Variants in ZNF250 observed in about 807,000 individuals in gnomAD.
ZNF250 encodes zinc finger protein (clone 647).
Under a neutral mutation model 37.1 loss-of-function variants are expected in ZNF250, and 13 were observed. The observed-to-expected ratio is 0.35, with a 90% CI of 0.23 to 0.56. The LOEUF is 0.56. Ranked by LOEUF, ZNF250 falls within the 20% of genes least tolerant of loss-of-function variation. The pLI is 0.87. For missense variants in ZNF250, 474 were observed against 697.9 expected, an observed-to-expected ratio of 0.68 and a Z score of 3.61; for synonymous variants, 251 against 265.6, an observed-to-expected ratio of 0.94 and a Z score of 0.54.
Position 144,881,712 on chromosome 8 carries a change from C to A in ZNF250, c.1471G>T (p.Val491Leu). 6 of 1,613,516 alleles carry A rather than the reference C, an allele frequency of 3.7e-6. No homozygotes were observed. Among genetic ancestry groups the A allele is most frequent in the Non-Finnish European group, 5.1e-6 (6 of 1,179,820 alleles). Residue 491 changes from valine to leucine, a missense_variant, in exon 6 of 6, where the codon GTG becomes TTG. Transcript: ENST00000417550. ...KAFSLKATLI[V>L]HLRTHTGEKP... is the part of the protein sequence containing the mutation. ...TCGCCCGTGTGGGTCCTCAGGTGCA[C>A]AATCAGAGTTGCTTTCAGGCTGAAG... is the stretch of plus-strand genomic sequence containing the variant.
intron 4 of ZNF250, among the ~76,000 whole-genome samples, chr8:144,889,016 C>A (rs1476423519): frequency 6.6e-6 from 1 of 152,210 alleles, no homozygotes; most frequent in African/African-American, 2.4e-5. Flanking sequence ...GATCCACCCG[C>A]CTCAGTCTCC....
Position 144,882,673 on chromosome 8 carries a change from A to G in ZNF250, c.510T>C (p.Arg170=), listed in dbSNP as rs1280471010. Residue 170 remains arginine, a synonymous_variant, in exon 6 of 6, where the codon CGT becomes CGC. Coordinates refer to ENST00000417550, the MANE Select transcript of ZNF250 (RefSeq NM_001109689.4). This position sits in a 1 kb window ranked among gnomAD's most constrained non-coding sequence, Gnocchi z 5.5. ...FCLSPNSVDH[R]EVQVLSQSMP... is the part of the protein sequence containing the mutation. ...TGCTTTGGCTTAAGACCTGAACTTC[A>G]CGGTGGTCAACAGAGTTTGGACTCA... 6.2e-7 allele frequency: 1 copy of G among 1,613,900 alleles called. No individual in the cohort carries two copies. The highest frequency in any genetic ancestry group is 1.3e-5 in the African/African-American group (1 of 75,014).
intron 1 of ZNF250, among the ~76,000 whole-genome samples, chr8:144,896,318 C>A (rs1832718310): frequency 6.6e-6 from 1 of 151,660 alleles, no homozygotes; most frequent in East Asian, 1.9e-4. Flanking sequence ...CTACACTCCA[C>A]CCTGGGCAAC....
chr8:144,883,306 G>T (rs532330836), intron 5 of ZNF250, among the ~76,000 whole-genome samples: 1 of 152,128 alleles, frequency 6.6e-6, no homozygotes. Flanking sequence ...TGAGGTAGGG[G>T]TGGTGGTGCT....
At chr8:144,895,494 A>G (rs1832654872) in intron 1 of ZNF250, among the ~76,000 whole-genome samples, 1 of 152,170 alleles carries the variant, frequency 6.6e-6, no homozygotes, top group Non-Finnish European at 1.5e-5. Context: ...AGCGCTAAGA[A>G]CAGGCTTGGC....
intron 1 of ZNF250, among the ~76,000 whole-genome samples, chr8:144,892,602 T>C (rs1251215824): frequency 6.6e-6 from 1 of 152,102 alleles, no homozygotes; most frequent in African/African-American, 2.4e-5. Flanking sequence ...TTGCCCAGGC[T>C]GGAATGCAAC....
At chr8:144,889,291 A>T (rs1832137650) in intron 4 of ZNF250, among the ~76,000 whole-genome samples, 2 of 152,228 alleles carry the variant, frequency 1.3e-5, no homozygotes, top group Non-Finnish European at 2.9e-5. Flanking sequence ...AAATCTGGCT[A>T]ACCAGTCCCT....
At chr8:144,894,831 A>ATT (rs11438949) in intron 1 of ZNF250, among the ~76,000 whole-genome samples, 114 of 147,556 alleles carry the variant, frequency 7.7e-4, no homozygotes, top group East Asian at 1.6e-3. Context: ...TAATTTCTTA[A>ATT]TTTTTTTTTT....
rs1832281141 is a variant in ZNF250 at position 144,890,830 on chromosome 8, C to A, written c.-54-427G>T. 6.6e-6 allele frequency among the ~76,000 whole-genome samples: 1 copy of A among 152,212 alleles called. No individual in the cohort carries two copies. The highest frequency in any genetic ancestry group is 2.1e-4 in the South Asian group (1 of 4,830). ...CATCAGGCCAAGCTGCTTCCCCAAA[C>A]ACCCTCCCAATTAAGAAAGCCTTGG... On this transcript the variant is annotated intron_variant, in intron 1 of 5. Transcript: ENST00000417550. The surrounding 1 kb of genome is among the most constrained non-coding windows in gnomAD (Gnocchi z 5.1).
At chr8:144,896,347 A>AAAATAAAT (rs752465200) in intron 1 of ZNF250, among the ~76,000 whole-genome samples, 1 of 148,362 alleles carries the variant, frequency 6.7e-6, no homozygotes, top group Non-Finnish European at 1.5e-5. Context: ...TCCCTGTCTC[A>AAAATAAAT]AAATAAATAA....
chr8:144,890,069 C>T lies in ZNF250; in HGVS notation c.43-10G>A, dbSNP rs1213239040. 3 of 1,611,018 alleles carry T rather than the reference C, an allele frequency of 1.9e-6. No homozygotes were observed. The South Asian group carries it at 3.3e-5, about 18-fold the overall frequency. On this transcript the variant is annotated splice_polypyrimidine_tract_variant and intron_variant, in intron 2 of 5. Coordinates refer to ENST00000417550, the MANE Select transcript of ZNF250 (RefSeq NM_001109689.4). This position sits in a 1 kb window ranked among gnomAD's most constrained non-coding sequence, Gnocchi z 5.1. ...CGAAGGTCAGCTTGGCCTGGAACGA[C>T]AGGGGCTGCTGCAGGTAAAACCAAA... is the stretch of plus-strand genomic sequence containing the variant.
In ZNF250 at chr8:144,890,194, G is replaced by T; in HGVS notation, c.42+114C>A. ...CTGAGGTGGGTGATGGGAAGGGGCC[G>T]CGGAGTTCAGGGCATGTGGTGACGC... On this transcript the variant is annotated intron_variant, in intron 2 of 5. Coordinates refer to ENST00000417550, the MANE Select transcript of ZNF250 (RefSeq NM_001109689.4). This position sits in a 1 kb window ranked among gnomAD's most constrained non-coding sequence, Gnocchi z 5.1. The T allele has an allele frequency of 6.7e-7, 1 of 1,494,676 alleles. No individual in the cohort carries two copies. The highest frequency in any genetic ancestry group is 9.1e-7 in the Non-Finnish European group (1 of 1,094,172). 92.6% of individuals were successfully genotyped at this position (1,494,676 alleles called of 1,614,324 possible).
In ZNF250 at chr8:144,881,804, G is replaced by A; in HGVS notation, c.1379C>T (p.Ser460Phe). 1 of 1,614,074 alleles carries A rather than the reference G, an allele frequency of 6.2e-7. No individual in the cohort carries two copies. Among genetic ancestry groups the A allele is most frequent in the Non-Finnish European group, 8.5e-7 (1 of 1,180,012 alleles). The change falls in exon 6 of 6, where the codon TCT (serine) becomes TTT (phenylalanine). Residue 460 changes from serine (S) to phenylalanine (F), a missense_variant. Ser to Phe is a radical substitution (Grantham distance 155, BLOSUM62 -2). Transcript: ENST00000417550. ...ECGHAFSARR[S>F]LIQHERIHTG... is the part of the protein sequence containing the mutation. The stretch of plus-strand genomic sequence containing the variant: ...GTGGATTCTCTCATGCTGGATCAGA[G>A]ACCGGCGTGCACTGAAGGCGTGCCC...
Position 144,878,175 on chromosome 8 carries a change from A to G in ZNF250, c.*3340T>C, listed in dbSNP as rs1002996655. ...TGGGTGATCTCTTGGCTCTGAAGTA[A>G]CACCTCAGTAATCTCAGTTCCTCTT... On this transcript the variant is annotated 3_prime_UTR_variant, in exon 6 of 6. Transcript: ENST00000417550. The G allele has an allele frequency of 6.6e-6, 1 of 152,162 alleles. No individual in the cohort carries two copies. The highest frequency in any genetic ancestry group is 2.4e-5 in the African/African-American group (1 of 41,436). The allele number at this position is 152,162 out of a possible 1,614,324, so 9.4% of individuals were successfully genotyped here. A position where few individuals can be genotyped will look rare whatever the true frequency, so the allele number is the denominator to read the frequency against.
At chr8:144,900,808 C>T (rs549027496) in intron 1 of ZNF250, among the ~76,000 whole-genome samples, 3 of 152,266 alleles carry the variant, frequency 2.0e-5, no homozygotes, top group African/African-American at 7.2e-5. Flanking sequence ...CCCGGTGCGC[C>T]GCCGGGGTCT....
In ZNF250 at chr8:144,890,235, G is replaced by T. The variant is rs2129795006; in HGVS notation, c.42+73C>A. ...GTGGTGACGCTCTGGCTGCTCTTAG[G>T]AGCTCTACGGGGCACGGAAGGAACC... On this transcript the variant is annotated intron_variant, in intron 2 of 5. Coordinates refer to ENST00000417550, the MANE Select transcript of ZNF250 (RefSeq NM_001109689.4). This position sits in a 1 kb window ranked among gnomAD's most constrained non-coding sequence, Gnocchi z 5.1. 1 of 1,514,176 alleles carries T rather than the reference G, an allele frequency of 6.6e-7. No individual in the cohort carries two copies. Among genetic ancestry groups the T allele is most frequent in the Non-Finnish European group, 9.0e-7 (1 of 1,109,718 alleles). The allele number at this position is 1,514,176 out of a possible 1,614,324, so 93.8% of individuals were successfully genotyped here. A position where few individuals can be genotyped will look rare whatever the true frequency, so the allele number is the denominator to read the frequency against.
At chr8:144,887,123 G>A (rs894927281) in intron 4 of ZNF250, among the ~76,000 whole-genome samples, 1 of 151,860 alleles carries the variant, frequency 6.6e-6, no homozygotes, top group African/African-American at 2.4e-5. Context: ...GGTGGTGCAT[G>A]CCTGTAGTCC....
Position 144,890,142 on chromosome 8 carries a change from G to A in ZNF250, c.43-83C>T, listed in dbSNP as rs557227226. On this transcript the variant is annotated intron_variant, in intron 2 of 5. Coordinates refer to ENST00000417550, the MANE Select transcript of ZNF250 (RefSeq NM_001109689.4). This position sits in a 1 kb window ranked among gnomAD's most constrained non-coding sequence, Gnocchi z 5.1. Reference sequence around the variant, plus strand: ...TGGGTGCATGTGACATGTGACATGAGCAGTTGGCAGTGGGGGGCTCTGTGA... The same window carrying A: ...TGGGTGCATGTGACATGTGACATGAACAGTTGGCAGTGGGGGGCTCTGTGA... 1.8e-3 allele frequency: 2,790 copies of A among 1,563,192 alleles called. 3 individuals are homozygous for A. The highest frequency in any genetic ancestry group is 2.3e-3 in the Non-Finnish European group (2,608 of 1,151,604).
At position 144,891,326 on chromosome 8, in the gene ZNF250, T is replaced by C. The variant is rs1038380501; in HGVS notation, c.-54-923A>G. ...AATCCCCTCACATGCTTGGCTCAGA[T>C]GGGCACCACAACAAACAGGGTGCTT... On this transcript the variant is annotated intron_variant, in intron 1 of 5. Transcript: ENST00000417550. The surrounding 1 kb of genome is among the most constrained non-coding windows in gnomAD (Gnocchi z 4.0). 2.0e-5 allele frequency among the ~76,000 whole-genome samples: 3 copies of C among 152,224 alleles called. No individual in the cohort carries two copies. Among genetic ancestry groups the C allele is most frequent in the South Asian group, 2.1e-4 (1 of 4,826 alleles).
Sources: gnomAD v4.1 joint callset for allele counts (sites outside exome capture counted in the v4.1 genomes callset) on GRCh38, gnomAD v4.1.1 for gene constraint, Gnocchi (gnomAD v3.1) non-coding constraint, MANE v1.5 for transcripts, NCBI Gene and HGNC (gene_info 2026-07-23, HGNC 2026-07-21) for gene names.